Variants in PCDHGA6 observed in about 807,000 individuals in gnomAD.
PCDHGA6 encodes protocadherin gamma subfamily A, 6, also known as protocadherin gamma-A6.
Under a neutral mutation model 60.6 loss-of-function variants are expected in PCDHGA6, and 41 were observed. The observed-to-expected ratio is 0.68, with a 90% CI of 0.53 to 0.88. The LOEUF (loss-of-function observed/expected upper bound fraction) is 0.88, where lower values mean the gene tolerates loss of function less well. Ranked by LOEUF, PCDHGA6 falls within the 40% of genes least tolerant of loss-of-function variation. The pLI is 0.00. For synonymous variants in PCDHGA6, 594 were observed against 524.4 expected (o/e 1.13, Z -1.81); for missense variants, 1,312 against 1,203.0 (o/e 1.09, Z -1.34).
chr5:141,475,527 C>G (rs1462406655), intron 1 of PCDHGA6, among the ~76,000 whole-genome samples: 2 of 152,172 alleles, frequency 1.3e-5, no homozygotes, highest in African/African-American at 2.4e-5. Context: ...ATGCTAAATG[C>G]CTCCTTACAA....
intron 1 of PCDHGA6, among the ~76,000 whole-genome samples, chr5:141,454,750 T>C (rs992030704): frequency 1.3e-5 from 2 of 150,108 alleles, no homozygotes; most frequent in Admixed American, 6.7e-5. Flanking sequence ...GAGGCCAAAC[T>C]AATCTTGACA....
intron 1 of PCDHGA6, among the ~76,000 whole-genome samples, chr5:141,435,462 T>G (rs1206913100): frequency 6.6e-6 from 1 of 152,230 alleles, no homozygotes; most frequent in Non-Finnish European, 1.5e-5. Flanking sequence ...TGTATGTGTT[T>G]CCAAGTTAGA....
intron 1 of PCDHGA6, chr5:141,433,087 A>G (rs769187557): frequency 6.2e-7 from 1 of 1,614,206 alleles, no homozygotes. Context: ...CCAACTATGC[A>G]GACATGCTCG....
rs746046310 is a variant in PCDHGA6, at chr5:141,410,427, A to C, written c.2424+33920A>C. The C allele has an allele frequency of 1.9e-6, 3 of 1,613,714 alleles. No homozygotes were observed. The Admixed American group carries it at 5.0e-5, about 27-fold the overall frequency. On this transcript the variant is annotated intron_variant, in intron 1 of 3. Coordinates refer to ENST00000517434, the MANE Select transcript of PCDHGA6 (RefSeq NM_018919.3). ...AAGTCTGGACCTGTAGTTCCCCCCA[A>C]CTACAGTGAGGGGACTTTGCCTTAT...
intron 1 of PCDHGA6, chr5:141,441,795 C>T (rs569465359): frequency 2.6e-6 from 1 of 387,758 alleles, no homozygotes; most frequent in Non-Finnish European, 5.1e-6. Flanking sequence ...TGACAACGCA[C>T]CGCGGGTGCT....
chr5:141,404,468 T>G, intron 1 of PCDHGA6: 2 of 1,613,514 alleles, frequency 1.2e-6, no homozygotes, highest in Non-Finnish European at 8.5e-7. Context: ...CACCTATGTC[T>G]CTATTAACTC....
intron 1 of PCDHGA6, among the ~76,000 whole-genome samples, chr5:141,460,110 A>G (rs966038979): frequency 2.0e-5 from 3 of 151,894 alleles, no homozygotes; most frequent in African/African-American, 7.2e-5. Context: ...ATTATATATG[A>G]TTTTTATATA....
chr5:141,375,170 G>A lies in PCDHGA6; in HGVS notation c.1087G>A (p.Gly363Arg). 1.2e-6 allele frequency: 2 copies of A among 1,613,964 alleles called. No homozygotes were observed. The highest frequency in any genetic ancestry group is 1.7e-5 in the Admixed American group (1 of 60,034). Reference sequence around the variant, plus strand: ...AACAATTGCTGAAAGTGCACCTCCAGGAACAGTAATCGCCCTTTTTCAAGT... The same window carrying A: ...AACAATTGCTGAAAGTGCACCTCCAAGAACAGTAATCGCCCTTTTTCAAGT... ...SRTIAESAPP[G>R]TVIALFQVFD... is the part of the protein sequence containing the mutation. The change falls in exon 1 of 4, where the codon GGA becomes AGA. Residue 363 changes from glycine (G) to arginine (R), a missense_variant. By Grantham distance (125) the Gly-to-Arg change is moderately radical (BLOSUM62 -2). Transcript: ENST00000517434.
chr5:141,490,942 C>G lies in PCDHGA6; in HGVS notation c.2425-3865C>G. 1 of 1,613,644 alleles carries G rather than the reference C, an allele frequency of 6.2e-7. No individual in the cohort carries two copies. Among genetic ancestry groups the G allele is most frequent in the Non-Finnish European group, 8.5e-7 (1 of 1,179,760 alleles). On this transcript the variant is annotated intron_variant, in intron 1 of 3. Transcript: ENST00000517434. This position sits in a 1 kb window ranked among gnomAD's most constrained non-coding sequence, Gnocchi z 5.4. ...TAATGCCCCAGCTGTGCTGCACCCA[C>G]GGCCAGACTGGGAACACTCAGCCCC...
intron 1 of PCDHGA6, among the ~76,000 whole-genome samples, chr5:141,467,790 C>T (rs1321576171): frequency 6.6e-6 from 1 of 152,118 alleles, no homozygotes; most frequent in Non-Finnish European, 1.5e-5. Context: ...TCTCAAGTAG[C>T]TGGGACTACA....
intron 1 of PCDHGA6, among the ~76,000 whole-genome samples, chr5:141,482,048 G>A (rs375214441): frequency 1.3e-5 from 2 of 150,044 alleles, no homozygotes; most frequent in Non-Finnish European, 2.9e-5. Flanking sequence ...TCATGCTGTT[G>A]CATTCCAGCC....
Position 141,487,687 on chromosome 5 carries a change from A to G in PCDHGA6, c.2425-7120A>G, listed in dbSNP as rs750431854. ...CAGGCATATGGCTAGGCCATGTCCTAGAGAGTACTGGCCTCTCAGTAAGTG... is the reference window on the plus strand; with the variant it reads ...CAGGCATATGGCTAGGCCATGTCCTGGAGAGTACTGGCCTCTCAGTAAGTG... On this transcript the variant is annotated intron_variant, in intron 1 of 3. Transcript: ENST00000517434. This position sits in a 1 kb window ranked among gnomAD's most constrained non-coding sequence, Gnocchi z 5.0. The G allele has an allele frequency of 1.9e-6, 3 of 1,606,256 alleles. No individual in the cohort carries two copies. The highest frequency in any genetic ancestry group is 3.4e-5 in the Admixed American group (2 of 58,832).
At position 141,485,800 on chromosome 5, in the gene PCDHGA6, C is replaced by T. The variant is rs1231777430; in HGVS notation, c.2425-9007C>T. On this transcript the variant is annotated intron_variant, in intron 1 of 3. Coordinates refer to ENST00000517434, the MANE Select transcript of PCDHGA6 (RefSeq NM_018919.3). This position sits in a 1 kb window ranked among gnomAD's most constrained non-coding sequence, Gnocchi z 5.7. The stretch of plus-strand genomic sequence containing the variant: ...ATCGAGAGAAGCAATCGGACTACCG[C>T]CTGGTGCTGACTGCTGTCGATGGAG... 1 of 1,614,228 alleles carries T rather than the reference C, an allele frequency of 6.2e-7. No homozygotes were observed. Among genetic ancestry groups the T allele is most frequent in the East Asian group, 2.2e-5 (1 of 44,878 alleles).
intron 1 of PCDHGA6, among the ~76,000 whole-genome samples, chr5:141,483,373 G>A (rs1410856257): frequency 6.6e-6 from 1 of 152,166 alleles, no homozygotes; most frequent in Admixed American, 6.5e-5. Flanking sequence ...TGCAATATTT[G>A]AAGAGAAGAT....
At chr5:141,508,123 G>A (rs989767852) in intron 3 of PCDHGA6, 1 of 152,616 alleles carries the variant, frequency 6.6e-6, no homozygotes, top group Non-Finnish European at 1.5e-5. Context: ...GAGGACAGAG[G>A]GAGGTCAGGG....
chr5:141,452,133 A>C (rs2098734490), intron 1 of PCDHGA6, among the ~76,000 whole-genome samples: 1 of 152,136 alleles, frequency 6.6e-6, no homozygotes, highest in Admixed American at 6.5e-5. Flanking sequence ...TATATGGCTC[A>C]TGTGTTTTTT....
chr5:141,498,093 G>T (rs975304630), intron 2 of PCDHGA6, among the ~76,000 whole-genome samples: 4 of 152,220 alleles, frequency 2.6e-5, no homozygotes, highest in Admixed American at 1.3e-4. Context: ...AATTGTATCT[G>T]GTGGTGTGGG....
chr5:141,418,987 A>AG (rs781016682), intron 1 of PCDHGA6: 1 of 1,613,974 alleles, frequency 6.2e-7, no homozygotes, highest in South Asian at 1.1e-5. Context: ...ACCAAGACTC[A>AG]GGGGAAAATG....
At chr5:141,403,715 G>A in intron 1 of PCDHGA6, 3 of 1,613,898 alleles carry the variant, frequency 1.9e-6, no homozygotes, top group Non-Finnish European at 2.5e-6. Flanking sequence ...CCTTGAGAAC[G>A]TGCCCCCAGG....
Sources: gnomAD v4.1 joint callset for allele counts (sites outside exome capture counted in the v4.1 genomes callset) on GRCh38, gnomAD v4.1.1 for gene constraint, Gnocchi (gnomAD v3.1) non-coding constraint, MANE v1.5 for transcripts, NCBI Gene and HGNC (gene_info 2026-07-23, HGNC 2026-07-21) for gene names.